The following ITGBL1 variants were observed in gnomAD, a reference collection of about 807,000 sequenced individuals.
ITGBL1 encodes the protein integrin beta-like protein 1.
A neutral mutation model predicts 68.5 loss-of-function variants in ITGBL1; 51 were observed. The observed-to-expected ratio is 0.74, with a 90% CI of 0.59 to 0.94. The LOEUF (loss-of-function observed/expected upper bound fraction) is 0.94, where lower values mean the gene tolerates loss of function less well. Ranked by LOEUF, ITGBL1 falls within the 40% of genes least tolerant of loss-of-function variation. The pLI, the probability that ITGBL1 is intolerant of heterozygous loss-of-function variation, is 0.00. For synonymous variants in ITGBL1, 209 were observed against 227.3 expected (o/e 0.92, Z 0.72); for missense variants, 649 against 647.4 (o/e 1.00, Z -0.03).
intron 7 of ITGBL1, among the ~76,000 whole-genome samples, chr13:101,686,960 A>T (rs942657931): frequency 6.6e-6 from 1 of 152,196 alleles, no homozygotes; most frequent in Non-Finnish European, 1.5e-5. Context: ...TTAGAATGAG[A>T]TAATGTTCTA....
chr13:101,502,159 C>T (rs915215224), intron 2 of ITGBL1, among the ~76,000 whole-genome samples: 1 of 152,050 alleles, frequency 6.6e-6, no homozygotes, highest in East Asian at 1.9e-4. Flanking sequence ...ATAGCTTAAA[C>T]CTTAAGTCTT....
At chr13:101,594,899 C>A (rs1488049321) in intron 6 of ITGBL1, among the ~76,000 whole-genome samples, 5 of 152,070 alleles carry the variant, frequency 3.3e-5, no homozygotes, top group African/African-American at 1.2e-4. Context: ...CATGGTAAAA[C>A]CCCGTCTCTA....
intron 2 of ITGBL1, among the ~76,000 whole-genome samples, chr13:101,517,659 C>T (rs1343744503): frequency 1.3e-5 from 2 of 152,150 alleles, no homozygotes; most frequent in South Asian, 4.1e-4. Context: ...GACTGCAAAT[C>T]CAGATGTTCA....
intron 7 of ITGBL1, among the ~76,000 whole-genome samples, chr13:101,666,497 A>G (rs1343905875): frequency 5.2e-5 from 5 of 96,440 alleles, no homozygotes; most frequent in Admixed American, 4.1e-4. Context: ...AACTTACATT[A>G]TTTGTGAGGC....
rs1555361672 is a variant in ITGBL1, at chr13:101,604,887, T to TACATACACAC, written c.1015+6591_1015+6592insTACACACACA. 6.4e-3 allele frequency among the ~76,000 whole-genome samples: 141 copies of TACATACACAC among 22,160 alleles called. 7 individuals carry two copies. The highest frequency in any genetic ancestry group is 8.1e-3 in the African/African-American group (54 of 6,628). 14.5% of individuals were successfully genotyped at this position (22,160 alleles called of 152,430 possible). ...ATATATATATATATATATATATATA[T>TACATACACAC]ACACACACACACACATATATATGTG... is the stretch of plus-strand genomic sequence containing the variant. On this transcript the variant is annotated intron_variant, in intron 7 of 10. Coordinates refer to ENST00000376180, the MANE Select transcript of ITGBL1 (RefSeq NM_004791.3).
At chr13:101,537,270 C>G (rs1378754628) in intron 2 of ITGBL1, among the ~76,000 whole-genome samples, 2 of 151,964 alleles carry the variant, frequency 1.3e-5, no homozygotes, top group Admixed American at 1.3e-4. Flanking sequence ...CCAGGCTATT[C>G]CATCTCATTT....
At chr13:101,477,560 A>T (rs907670366) in intron 2 of ITGBL1, among the ~76,000 whole-genome samples, 4 of 152,060 alleles carry the variant, frequency 2.6e-5, no homozygotes, top group African/African-American at 9.6e-5. Flanking sequence ...TTTTGAAAAG[A>T]TAAACAAAAT....
At chr13:101,691,731 G>A (rs1190654246) in intron 7 of ITGBL1, among the ~76,000 whole-genome samples, 40 of 152,178 alleles carry the variant, frequency 2.6e-4, no homozygotes, top group Non-Finnish European at 1.8e-4. Flanking sequence ...AAACTTTGAG[G>A]TTAATGAGAA....
chr13:101,617,946 G>GCT (rs2031431739), intron 7 of ITGBL1, among the ~76,000 whole-genome samples: 1 of 152,078 alleles, frequency 6.6e-6, no homozygotes, highest in African/African-American at 2.4e-5. Flanking sequence ...TACCTCCTGG[G>GCT]CTTAGAACAA....
intron 7 of ITGBL1, among the ~76,000 whole-genome samples, chr13:101,686,915 T>C (rs1566790793): frequency 6.6e-6 from 1 of 152,178 alleles, no homozygotes; most frequent in Non-Finnish European, 1.5e-5. Context: ...ACTTTAAATA[T>C]TTTGAGATAG....
At chr13:101,700,341 G>A (rs542747356) in intron 8 of ITGBL1, among the ~76,000 whole-genome samples, 1 of 152,252 alleles carries the variant, frequency 6.6e-6, no homozygotes, top group African/African-American at 2.4e-5. Context: ...GCCACATCCA[G>A]TCCAACATTG....
rs574389575 is a variant in ITGBL1, at chr13:101,483,303, T to C, written c.316+29203T>C. Among the ~76,000 whole-genome samples, 4 of 152,332 alleles carry C rather than the reference T, an allele frequency of 2.6e-5. No homozygotes were observed. In the East Asian group the frequency reaches 7.7e-4, roughly 29 times the overall value. On this transcript the variant is annotated intron_variant, in intron 2 of 10. Coordinates refer to ENST00000376180, the MANE Select transcript of ITGBL1 (RefSeq NM_004791.3). ...TGAATGGGATGTTCCAGTTGTCTTATTCTAGTCATATTGTCCACTGTCAAG... is the reference window on the plus strand; with the variant it reads ...TGAATGGGATGTTCCAGTTGTCTTACTCTAGTCATATTGTCCACTGTCAAG...
chr13:101,603,335 A>G (rs1449863131), intron 7 of ITGBL1, among the ~76,000 whole-genome samples: 2 of 152,010 alleles, frequency 1.3e-5, no homozygotes, highest in Non-Finnish European at 2.9e-5. Flanking sequence ...TCTCATATCC[A>G]TTATTTTCCC....
In ITGBL1 at chr13:101,535,728, T is replaced by A. The variant is rs376714933; in HGVS notation, c.317-31971T>A. Among the ~76,000 whole-genome samples the A allele has an allele frequency of 7.2e-5, 11 of 152,132 alleles. No individual in the cohort carries two copies. The East Asian group carries it at 1.3e-3, about 19-fold the overall frequency. The stretch of plus-strand genomic sequence containing the variant: ...ACAATAACAACTTGTTCGGAGATGT[T>A]CTTAAGCTCTTCAAAGATGATTTGA... On this transcript the variant is annotated intron_variant, in intron 2 of 10. Coordinates refer to ENST00000376180, the MANE Select transcript of ITGBL1 (RefSeq NM_004791.3).
intron 7 of ITGBL1, among the ~76,000 whole-genome samples, chr13:101,605,007 T>A (rs1247780953): frequency 2.3e-5 from 3 of 131,772 alleles, no homozygotes; most frequent in South Asian, 4.7e-4. Context: ...TATATACATA[T>A]ATGCGTATAT....
intron 3 of ITGBL1, among the ~76,000 whole-genome samples, chr13:101,572,197 A>G (rs1335274088): frequency 6.6e-6 from 1 of 152,028 alleles, no homozygotes; most frequent in East Asian, 1.9e-4. Flanking sequence ...ATTTCCCCCA[A>G]ATTGCATTAG....
At chr13:101,703,809 G>A (rs1311386298) in intron 8 of ITGBL1, among the ~76,000 whole-genome samples, 1 of 152,224 alleles carries the variant, frequency 6.6e-6, no homozygotes, top group Non-Finnish European at 1.5e-5. Context: ...ATCGGTCAGG[G>A]TGGTGGGAAA....
intron 2 of ITGBL1, among the ~76,000 whole-genome samples, chr13:101,511,095 T>G (rs1239695809): frequency 6.6e-6 from 1 of 152,118 alleles, no homozygotes; most frequent in African/African-American, 2.4e-5. Flanking sequence ...GATGAGGATA[T>G]TTCCTAGATT....
At chr13:101,578,861 G>A (rs1352816045) in intron 4 of ITGBL1, among the ~76,000 whole-genome samples, 2 of 152,166 alleles carry the variant, frequency 1.3e-5, no homozygotes, top group Non-Finnish European at 2.9e-5. Context: ...CATTCATAAT[G>A]TCTATCTAGG....
Sources: gnomAD v4.1 joint callset for allele counts (sites outside exome capture counted in the v4.1 genomes callset) on GRCh38, gnomAD v4.1.1 for gene constraint, MANE v1.5 for transcripts, NCBI Gene and HGNC (gene_info 2026-07-23, HGNC 2026-07-21) for gene names.